Variants in SEC16A observed in about 807,000 individuals in gnomAD.
The protein encoded by SEC16A is protein transport protein Sec16A.
A neutral mutation model predicts 221.9 loss-of-function variants in SEC16A; 110 were observed. That is an observed-to-expected ratio of 0.50 (90% CI 0.42 to 0.58). The LOEUF (loss-of-function observed/expected upper bound fraction) is 0.58. Among genes scored for constraint, SEC16A ranks in the 20% least tolerant of loss-of-function variants. The pLI is 0.00. For missense variants in SEC16A, 3,165 were observed against 3,097.8 expected, an observed-to-expected ratio of 1.02 and a Z score of -0.52; for synonymous variants, 1,393 against 1,257.7, an observed-to-expected ratio of 1.11 and a Z score of -2.28.
intron 30 of SEC16A, among the ~76,000 whole-genome samples, chr9:136,444,377 G>A (rs1045519712): frequency 2.0e-5 from 3 of 152,168 alleles, no homozygotes; most frequent in Non-Finnish European, 4.4e-5. Flanking sequence ...CACCCGCCCC[G>A]GCCTCAAACC....
intron 3 of SEC16A, among the ~76,000 whole-genome samples, chr9:136,473,599 A>G (rs964512179): frequency 6.6e-6 from 1 of 152,152 alleles, no homozygotes; most frequent in African/African-American, 2.4e-5. Flanking sequence ...TTTTCTCTCC[A>G]TGTTTTTATT....
At position 136,463,598 on chromosome 9, in the gene SEC16A, G is replaced by A. The variant is rs1419042895; in HGVS notation, c.4512C>T (p.Asp1504=). The change falls in exon 11 of 32, where the codon GAC becomes GAT. Residue 1504 remains aspartate, a synonymous_variant. Coordinates refer to ENST00000684901, the MANE Select transcript of SEC16A (RefSeq NM_014866.2). The stretch of plus-strand genomic sequence containing the variant: ...TAATGACATCCACCTTATGGGTGTC[G>A]TCTCTGCAGAAAGAACACACAGTGA... ...MRAFPGPLAK[D]DTHKVDVINF... The A allele has an allele frequency of 3.1e-6, 5 of 1,613,646 alleles. No individual in the cohort carries two copies. Among genetic ancestry groups the A allele is most frequent in the African/African-American group, 1.3e-5 (1 of 74,926 alleles).
chr9:136,446,819 T>G, intron 28 of SEC16A, 36 bp downstream of exon 28: 4 of 1,561,784 alleles, frequency 2.6e-6, no homozygotes, highest in Non-Finnish European at 3.5e-6. Context: ...GCCTCCTCAC[T>G]GGGTACCTTT....
At chr9:136,481,603 A>G (rs532397712) in intron 1 of SEC16A, among the ~76,000 whole-genome samples, 5 of 152,360 alleles carry the variant, frequency 3.3e-5, no homozygotes, top group African/African-American at 9.6e-5. Context: ...TTCTGGCTAC[A>G]GAACTGAGGC....
At position 136,446,764 on chromosome 9, in the gene SEC16A, A is replaced by T. The variant is rs535793645; in HGVS notation, c.6792+91T>A. On this transcript the variant is annotated intron_variant, in intron 28 of 31. Transcript: ENST00000684901. ...GGAACACTCTACGTACACATTGGAT[A>T]CTGACTTGCAGAAGGCAAGGCCCTG... The T allele has an allele frequency of 8.0e-5, 104 of 1,295,422 alleles. 4 individuals are homozygous for T. The South Asian group carries it at 1.5e-3, about 18-fold the overall frequency. 80.2% of individuals were successfully genotyped at this position (1,295,422 alleles called of 1,614,324 possible). A position where few individuals can be genotyped will look rare whatever the true frequency, so the allele number is the denominator to read the frequency against.
At chr9:136,456,609 G>A (rs1838710227) in intron 18 of SEC16A, among the ~76,000 whole-genome samples, 1 of 152,238 alleles carries the variant, frequency 6.6e-6, no homozygotes, top group Non-Finnish European at 1.5e-5. Flanking sequence ...ATGCATGAAT[G>A]ACTCTCTGAA....
chr9:136,476,405 C>T lies in SEC16A; in HGVS notation c.1211G>A (p.Cys404Tyr), dbSNP rs774416101. The T allele has an allele frequency of 6.2e-7, 1 of 1,612,890 alleles. No individual in the cohort carries two copies. Among genetic ancestry groups the T allele is most frequent in the Admixed American group, 1.7e-5 (1 of 60,012 alleles). Residue 404 changes from cysteine (C) to tyrosine (Y), a missense_variant, in exon 3 of 32, where the codon TGC becomes TAC. Physicochemically the swap from Cys to Tyr is radical, Grantham distance 194. Around this residue, in one of 3 missense-constraint regions of SEC16A, gnomAD observed 2,030 missense variants for 1,923.1 expected, o/e 1.06. Coordinates refer to ENST00000684901, the MANE Select transcript of SEC16A (RefSeq NM_014866.2). ...CGGACGGCCTAGCCCAGGGCTGGAGCAGAAATCGTCAAAGTCCGCTTGACC... is the reference window on the plus strand; with the variant it reads ...CGGACGGCCTAGCCCAGGGCTGGAGTAGAAATCGTCAAAGTCCGCTTGACC... ...LSGQADFDDF[C>Y]SSPGLGRPPA...
Position 136,466,231 on chromosome 9 carries a change from C to T in SEC16A, c.4128+33G>A, listed in dbSNP as rs777393840. On this transcript the variant is annotated intron_variant, in intron 7 of 31. Coordinates refer to ENST00000684901, the MANE Select transcript of SEC16A (RefSeq NM_014866.2). The surrounding 1 kb of genome is among the most constrained non-coding windows in gnomAD (Gnocchi z 5.5). ...AACAGGATGGTGGTTCTAAACACAA[C>T]CGTCCGCGTGTCTGTGAGGCGCCGC... The T allele has an allele frequency of 1.3e-6, 2 of 1,584,210 alleles. No homozygotes were observed. Among genetic ancestry groups the T allele is most frequent in the East Asian group, 2.3e-5 (1 of 44,386 alleles).
In SEC16A at chr9:136,475,578, T is replaced by A. The variant is rs763895935; in HGVS notation, c.2038A>T (p.Asn680Tyr). 1 of 1,613,482 alleles carries A rather than the reference T, an allele frequency of 6.2e-7. No individual in the cohort carries two copies. The change falls in exon 3 of 32, where the codon AAC (asparagine) becomes TAC (tyrosine). Residue 680 changes from asparagine (N) to tyrosine (Y), a missense_variant. Around this residue, in one of 3 missense-constraint regions of SEC16A, gnomAD observed 2,030 missense variants for 1,923.1 expected, o/e 1.06. Coordinates refer to ENST00000684901, the MANE Select transcript of SEC16A (RefSeq NM_014866.2). The surrounding 1 kb of genome is among the most constrained non-coding windows in gnomAD (Gnocchi z 5.0). Reference protein sequence around the residue: ...CAPQVCPLPLNSTTEAVHMLP... With the variant: ...CAPQVCPLPLYSTTEAVHMLP... ...ATGTGCACAGCTTCCGTGGTGGAGT[T>A]AAGAGGCAGGGGACAGACCTGGGGT...
In SEC16A at chr9:136,440,128, T is replaced by C. The variant is rs1287837293; in HGVS notation, c.*1627A>G. The C allele has an allele frequency of 1.3e-5, 2 of 152,306 alleles. No homozygotes were observed. The highest frequency in any genetic ancestry group is 2.9e-5 in the Non-Finnish European group (2 of 68,046). The allele number at this position is 152,306 out of a possible 1,614,324, so 9.4% of individuals were successfully genotyped here. A position where few individuals can be genotyped will look rare whatever the true frequency, so the allele number is the denominator to read the frequency against. ...GCTTGAAGGAGCGCAAAATATTTTA[T>C]TCAACAATTTGCAATGTAACAATTC... is the stretch of plus-strand genomic sequence containing the variant. On this transcript the variant is annotated 3_prime_UTR_variant, in exon 32 of 32. Transcript: ENST00000684901.
intron 1 of SEC16A, among the ~76,000 whole-genome samples, chr9:136,480,062 C>G: frequency 6.6e-6 from 1 of 152,172 alleles, no homozygotes; most frequent in East Asian, 1.9e-4. Flanking sequence ...CTAGGAACAG[C>G]AGCAAAGGCT....
rs1352509855 is a variant in SEC16A at position 136,456,034 on chromosome 9, C to G, written c.5664+19G>C. ...CACCTTGCCAGACGCCTCTGTGCCA[C>G]CCCAAGCCAAGGCTGTACCTTAATC... On this transcript the variant is annotated intron_variant, in intron 19 of 31. Transcript: ENST00000684901. The G allele has an allele frequency of 6.3e-7, 1 of 1,596,260 alleles. No homozygotes were observed. The highest frequency in any genetic ancestry group is 8.6e-7 in the Non-Finnish European group (1 of 1,166,628).
chr9:136,453,944 A>C (rs1162575784), intron 21 of SEC16A, among the ~76,000 whole-genome samples, 165 bp downstream of exon 21: 2 of 152,228 alleles, frequency 1.3e-5, no homozygotes, highest in Non-Finnish European at 2.9e-5. Context: ...TTGTAGTGAG[A>C]CTCTGAACCC....
chr9:136,450,972 G>C (rs1057456751), intron 23 of SEC16A, among the ~76,000 whole-genome samples: 2 of 152,206 alleles, frequency 1.3e-5, no homozygotes, highest in African/African-American at 2.4e-5. Context: ...ACAAAGCAGC[G>C]GCTGCCGTCT....
chr9:136,475,389 C>T lies in SEC16A; in HGVS notation c.2227G>A (p.Ala743Thr). The T allele has an allele frequency of 6.2e-7, 1 of 1,609,900 alleles. No homozygotes were observed. The highest frequency in any genetic ancestry group is 8.5e-7 in the Non-Finnish European group (1 of 1,177,306). The change falls in exon 3 of 32, where the codon GCA (alanine) becomes ACA (threonine). Residue 743 changes from alanine to threonine, a missense_variant. Transcript: ENST00000684901. The surrounding 1 kb of genome is among the most constrained non-coding windows in gnomAD (Gnocchi z 5.0). ...GCACACACATAAAGCGCCGGGGCTG[C>T]AGGGGCCAGAAGGACGTTGCCTCCA... ...DFGGNVLLAP[A>T]APALYVCAKP...
At position 136,475,465 on chromosome 9, in the gene SEC16A, C is replaced by A. The variant is rs1401793026; in HGVS notation, c.2151G>T (p.Lys717Asn). The A allele has an allele frequency of 6.2e-7, 1 of 1,608,104 alleles. No individual in the cohort carries two copies. Among genetic ancestry groups the A allele is most frequent in the East Asian group, 2.2e-5 (1 of 44,772 alleles). ...ACAGAGTCGTTGCTGGGCTCTCACA[C>A]TTCACGGGCCCCTGGGTCCTGGCTG... ...RPSARTQGPV[K>N]CESPATTLWA... is the part of the protein sequence containing the mutation. The change falls in exon 3 of 32, where the codon AAG becomes AAT. Residue 717 changes from lysine (K) to asparagine (N), a missense_variant. By Grantham distance (94) the Lys-to-Asn change is moderately conservative (BLOSUM62 0). Coordinates refer to ENST00000684901, the MANE Select transcript of SEC16A (RefSeq NM_014866.2). This position sits in a 1 kb window ranked among gnomAD's most constrained non-coding sequence, Gnocchi z 5.0.
At chr9:136,454,081 T>C (rs1403442343) in intron 21 of SEC16A, 28 bp downstream of exon 21, 1 of 1,535,342 alleles carries the variant, frequency 6.5e-7, no homozygotes. Flanking sequence ...CTGCTTCTGC[T>C]CTCGAGACAG....
At chr9:136,477,735 T>C in intron 2 of SEC16A, 51 bp from the exon 3 acceptor site, 1 of 1,413,716 alleles carries the variant, frequency 7.1e-7, no homozygotes. Context: ...TTCAAAGTCC[T>C]AGCTGCAATC....
At chr9:136,484,668 G>A, upstream of SEC16A, 3 of 1,366,240 alleles carry the variant, frequency 2.2e-6, no homozygotes, top group South Asian at 3.4e-5. Flanking sequence ...GGTGATATCC[G>A]TGCCACGCCA....
Sources: allele counts gnomAD v4.1 joint callset (sites outside exome capture counted in the v4.1 genomes callset), GRCh38; gene constraint gnomAD v4.1.1; regional missense constraint gnomAD v4.1.1; non-coding constraint Gnocchi (gnomAD v3.1); transcripts MANE v1.5; gene names NCBI Gene and HGNC (gene_info 2026-07-23, HGNC 2026-07-21).